Variants in DNAH8 observed in about 807,000 individuals in gnomAD.
DNAH8 encodes the protein axonemal beta dynein heavy chain 8.
Under a neutral mutation model 562.1 loss-of-function variants are expected in DNAH8, and 382 were observed. The observed-to-expected ratio is 0.68, with a 90% CI of 0.63 to 0.74. The LOEUF is 0.74. Ranked by LOEUF, DNAH8 falls within the 30% of genes least tolerant of loss-of-function variation. The pLI, the probability that DNAH8 is intolerant of heterozygous loss-of-function variation, is 0.00. For synonymous variants in DNAH8, 1,881 were observed against 1,919.4 expected, an observed-to-expected ratio of 0.98 and a Z score of 0.52; for missense variants, 5,203 against 5,620.4, an observed-to-expected ratio of 0.93 and a Z score of 2.37.
At chr6:38,977,798 T>G (rs927008683) in intron 85 of DNAH8, among the ~76,000 whole-genome samples, 5 of 152,222 alleles carry the variant, frequency 3.3e-5, no homozygotes, top group Admixed American at 6.5e-5. Flanking sequence ...TGCCACTCTT[T>G]GAGGTGTGTA....
intron 88 of DNAH8, among the ~76,000 whole-genome samples, chr6:38,993,262 C>T (rs1450306748): frequency 6.6e-6 from 1 of 152,118 alleles, no homozygotes; most frequent in African/African-American, 2.4e-5. Context: ...AGCAACAAAC[C>T]TATTAAGTAG....
intron 21 of DNAH8, among the ~76,000 whole-genome samples, chr6:38,799,218 C>T (rs187947325): frequency 6.6e-6 from 1 of 152,150 alleles, no homozygotes; most frequent in Non-Finnish European, 1.5e-5. Context: ...TGGCACATTG[C>T]TGACTGCTGC....
At chr6:38,724,326 A>C (rs1157337365) in intron 3 of DNAH8, among the ~76,000 whole-genome samples, 1 of 152,192 alleles carries the variant, frequency 6.6e-6, no homozygotes, top group African/African-American at 2.4e-5. Flanking sequence ...TGGAGGAAGA[A>C]GAGAAAAGTT....
In DNAH8 at chr6:38,781,320, C is replaced by T. The variant is rs767096237; in HGVS notation, c.2206C>T (p.Leu736Phe). 6.2e-7 allele frequency: 1 copy of T among 1,613,888 alleles called. No homozygotes were observed. Among genetic ancestry groups the T allele is most frequent in the Non-Finnish European group, 8.5e-7 (1 of 1,179,934 alleles). ...CATGCCCCCTATAGCAGGAAAAATA[C>T]TCTGGGTGAGGCAGCTCTATCGCCG... ...RNMPPIAGKI[L>F]WVRQLYRRIS... The change falls in exon 16 of 93, where the codon CTC becomes TTC. Residue 736 changes from leucine (L) to phenylalanine (F), a missense_variant. By Grantham distance (22) the Leu-to-Phe change is conservative (BLOSUM62 0). Around this residue, in one of 6 missense-constraint regions of DNAH8, gnomAD observed 2,176 missense variants for 2,365.1 expected, o/e 0.92. Coordinates refer to ENST00000327475, the MANE Select transcript of DNAH8 (RefSeq NM_001206927.2).
intron 88 of DNAH8, among the ~76,000 whole-genome samples, chr6:39,003,914 T>C (rs1765637976): frequency 6.6e-6 from 1 of 152,064 alleles, no homozygotes; most frequent in African/African-American, 2.4e-5. Context: ...ACGCCACTCT[T>C]TCTATGTTTT....
intron 89 of DNAH8, among the ~76,000 whole-genome samples, chr6:39,009,969 C>T (rs1258415688): frequency 6.6e-6 from 1 of 152,098 alleles, no homozygotes; most frequent in Non-Finnish European, 1.5e-5. Context: ...GCATACTTGC[C>T]TTCAAAGATT....
At chr6:39,010,496 C>T (rs1172056711) in intron 89 of DNAH8, among the ~76,000 whole-genome samples, 1 of 151,996 alleles carries the variant, frequency 6.6e-6, no homozygotes, top group Non-Finnish European at 1.5e-5. Flanking sequence ...ACTAGAATTA[C>T]ATTTTCTAGG....
At chr6:38,910,609 G>A (rs1780815191) in intron 65 of DNAH8, among the ~76,000 whole-genome samples, 1 of 152,078 alleles carries the variant, frequency 6.6e-6, no homozygotes, top group African/African-American at 2.4e-5. Context: ...GTCATCCATG[G>A]AGATAAATTT....
At chr6:38,945,027 C>T (rs532143740) in intron 79 of DNAH8, among the ~76,000 whole-genome samples, 15 of 152,124 alleles carry the variant, frequency 9.9e-5, no homozygotes, top group South Asian at 6.2e-4. Flanking sequence ...CAACCCTAAC[C>T]CATCCATGTC....
chr6:38,720,367 A>G (rs1193700854), intron 1 of DNAH8, among the ~76,000 whole-genome samples: 3 of 152,210 alleles, frequency 2.0e-5, no homozygotes, highest in Non-Finnish European at 4.4e-5. Flanking sequence ...GTTTGGCAGT[A>G]CCATGCTGTG....
intron 30 of DNAH8, among the ~76,000 whole-genome samples, chr6:38,830,634 CAAAAAA>C (rs56761180): frequency 3.3e-5 from 3 of 90,454 alleles, no homozygotes; most frequent in Non-Finnish European, 6.5e-5. Context: ...GACTCTATCT[CAAAAAA>C]AAAAAAAAAA....
intron 91 of DNAH8, among the ~76,000 whole-genome samples, chr6:39,017,450 A>G (rs1766639132): frequency 6.6e-6 from 1 of 152,116 alleles, no homozygotes; most frequent in Non-Finnish European, 1.5e-5. Flanking sequence ...ATTGATAGCC[A>G]TGCTTTGCCA....
chr6:39,004,445 TC>T (rs1765675305), intron 88 of DNAH8, among the ~76,000 whole-genome samples: 1 of 152,224 alleles, frequency 6.6e-6, no homozygotes, highest in African/African-American at 2.4e-5. Flanking sequence ...CTCCCTCCTT[TC>T]TAAAGTATAC....
At chr6:38,938,383 A>G (rs377273285) in intron 78 of DNAH8, among the ~76,000 whole-genome samples, 157 bp downstream of exon 78, 9 of 152,362 alleles carry the variant, frequency 5.9e-5, no homozygotes, top group East Asian at 5.8e-4. Flanking sequence ...AAGGTGGTAC[A>G]TATACAACGG....
chr6:39,025,419 G>A (rs1379659959), intron 91 of DNAH8, among the ~76,000 whole-genome samples: 2 of 152,192 alleles, frequency 1.3e-5, no homozygotes, highest in Non-Finnish European at 2.9e-5. Flanking sequence ...ACATAGTGCA[G>A]GGCTTGGTAC....
intron 15 of DNAH8, 45 bp downstream of exon 15, chr6:38,780,110 G>T (rs1562757579): frequency 1.3e-6 from 2 of 1,560,532 alleles, no homozygotes; most frequent in Non-Finnish European, 8.7e-7. Flanking sequence ...AGCACAAAAA[G>T]AAAAAAAATC....
At chr6:38,823,758 A>G in intron 28 of DNAH8, 70 bp downstream of exon 28, 1 of 1,025,982 alleles carries the variant, frequency 9.7e-7, no homozygotes. Context: ...TTTAGCAAGC[A>G]GTTATTAAGT....
At chr6:38,871,378 T>C (rs1777454246) in intron 49 of DNAH8, among the ~76,000 whole-genome samples, 1 of 152,216 alleles carries the variant, frequency 6.6e-6, no homozygotes, top group Non-Finnish European at 1.5e-5. Context: ...TTAAAAAATT[T>C]CTGGGAAAAC....
chr6:38,921,385 A>G lies in DNAH8; in HGVS notation c.10541A>G (p.Gln3514Arg). 6.2e-7 allele frequency: 1 copy of G among 1,613,512 alleles called. No individual in the cohort carries two copies. Among genetic ancestry groups the G allele is most frequent in the Non-Finnish European group, 8.5e-7 (1 of 1,179,774 alleles). ...VLPLKANLAKQEGRLAVANAE... is the reference protein window; with the variant it reads ...VLPLKANLAKREGRLAVANAE... ...TCTTTTCAGGCCAACCTGGCCAAGC[A>G]GGAAGGCCGGTTAGCAGTTGCTAAT... The change falls in exon 71 of 93, where the codon CAG (glutamine) becomes CGG (arginine). Residue 3514 changes from glutamine (Q) to arginine (R), a missense_variant. Coordinates refer to ENST00000327475, the MANE Select transcript of DNAH8 (RefSeq NM_001206927.2).
Sources: gnomAD v4.1 joint callset for allele counts (sites outside exome capture counted in the v4.1 genomes callset) on GRCh38, gnomAD v4.1.1 for gene constraint, gnomAD v4.1.1 regional missense constraint, MANE v1.5 for transcripts, NCBI Gene and HGNC (gene_info 2026-07-23, HGNC 2026-07-21) for gene names.